Variants in SYBU observed in about 807,000 individuals in gnomAD.
SYBU encodes GOLSYN A protein.
SYBU carries 21 observed loss-of-function variants against 35.9 expected under a neutral mutation model. That is an observed-to-expected ratio of 0.58 (90% CI 0.41 to 0.84). The LOEUF (loss-of-function observed/expected upper bound fraction) is 0.84, where lower values mean the gene tolerates loss of function less well. SYBU is among the 40% of genes least tolerant of loss of function. SYBU has a pLI of 0.00. For synonymous variants in SYBU, 319 were observed against 324.3 expected (o/e 0.98, Z 0.18); for missense variants, 768 against 848.2 (o/e 0.91, Z 1.17).
At chr8:109,625,102 G>A (rs772382685) in intron 2 of SYBU, among the ~76,000 whole-genome samples, 3 of 151,858 alleles carry the variant, frequency 2.0e-5, no homozygotes, top group Non-Finnish European at 4.4e-5. Context: ...AAATGAAAAG[G>A]GCACTGTGAT....
intron 2 of SYBU, among the ~76,000 whole-genome samples, chr8:109,639,701 C>A (rs556321771): frequency 6.6e-6 from 1 of 152,192 alleles, no homozygotes; most frequent in Non-Finnish European, 1.5e-5. Context: ...TGTTCTCTGA[C>A]TTAACTGCCG....
At chr8:109,675,920 A>C (rs2130774312) in intron 1 of SYBU, among the ~76,000 whole-genome samples, 1 of 152,362 alleles carries the variant, frequency 6.6e-6, no homozygotes, top group Non-Finnish European at 1.5e-5. Context: ...ATCCAGCAGC[A>C]CATTGAAAAG....
At chr8:109,624,246 CT>C (rs1812741968) in intron 2 of SYBU, among the ~76,000 whole-genome samples, 1 of 152,248 alleles carries the variant, frequency 6.6e-6, no homozygotes, top group African/African-American at 2.4e-5. Context: ...AAATGCCCAA[CT>C]CCCTGGAAAT....
At chr8:109,629,597 A>G (rs935023014) in intron 2 of SYBU, among the ~76,000 whole-genome samples, 1 of 152,210 alleles carries the variant, frequency 6.6e-6, no homozygotes, top group Non-Finnish European at 1.5e-5. Flanking sequence ...TAATGCCGCA[A>G]TAAACATACG....
chr8:109,593,613 C>T (rs999554375), intron 3 of SYBU, among the ~76,000 whole-genome samples: 8 of 152,202 alleles, frequency 5.3e-5, no homozygotes, highest in African/African-American at 1.9e-4. Flanking sequence ...AAGGGTCCAA[C>T]CAGTGTGCTG....
chr8:109,640,928 A>G (rs1814803358), intron 2 of SYBU, among the ~76,000 whole-genome samples: 1 of 152,162 alleles, frequency 6.6e-6, no homozygotes, highest in Non-Finnish European at 1.5e-5. Context: ...CTGCATTTAT[A>G]AAATCCTTGA....
At chr8:109,651,978 ATCAC>A (rs1230863340) in intron 1 of SYBU, among the ~76,000 whole-genome samples, 2 of 152,230 alleles carry the variant, frequency 1.3e-5, no homozygotes, top group African/African-American at 4.8e-5. Flanking sequence ...ACAGACACCT[ATCAC>A]TCATTCATTC....
intron 1 of SYBU, among the ~76,000 whole-genome samples, chr8:109,663,521 G>A (rs1409705853): frequency 6.6e-6 from 1 of 152,068 alleles, no homozygotes; most frequent in South Asian, 2.1e-4. Context: ...TTGGAAACTG[G>A]TCGGTAAGTG....
At chr8:109,678,021 C>T (rs2130778247) in intron 1 of SYBU, among the ~76,000 whole-genome samples, 1 of 149,640 alleles carries the variant, frequency 6.7e-6, no homozygotes, top group East Asian at 2.0e-4. Flanking sequence ...GTAATCCCAG[C>T]TATTTGGGAG....
At chr8:109,619,683 C>G (rs1812216836) in intron 2 of SYBU, among the ~76,000 whole-genome samples, 1 of 152,236 alleles carries the variant, frequency 6.6e-6, no homozygotes, top group Non-Finnish European at 1.5e-5. Flanking sequence ...CAGAACAATT[C>G]AGGATCTTTA....
At chr8:109,580,033 T>G in intron 4 of SYBU, 31 bp from the exon 5 acceptor site, 3 of 1,603,958 alleles carry the variant, frequency 1.9e-6, no homozygotes, top group Non-Finnish European at 1.7e-6. Context: ...ATGTTAAAAT[T>G]CTTGGGGCTA....
intron 4 of SYBU, among the ~76,000 whole-genome samples, chr8:109,582,461 C>T (rs1823146272): frequency 6.6e-6 from 1 of 152,174 alleles, no homozygotes; most frequent in Non-Finnish European, 1.5e-5. Flanking sequence ...ATCCCAGATC[C>T]TTCAGTCTGG....
intron 2 of SYBU, among the ~76,000 whole-genome samples, chr8:109,641,795 C>G (rs757678413): frequency 1.3e-5 from 2 of 152,150 alleles, no homozygotes; most frequent in Non-Finnish European, 2.9e-5. Context: ...ATTAAAAGAT[C>G]AGGAATGGAC....
chr8:109,642,639 G>A (rs1815038258), intron 2 of SYBU, 89 bp downstream of exon 2: 2 of 814,168 alleles, frequency 2.5e-6, no homozygotes, highest in Non-Finnish European at 3.6e-6. Flanking sequence ...TGTAGTTCTA[G>A]GCTATAAGGG....
chr8:109,657,413 C>A (rs1250717085), intron 1 of SYBU, among the ~76,000 whole-genome samples: 1 of 152,130 alleles, frequency 6.6e-6, no homozygotes, highest in Non-Finnish European at 1.5e-5. Context: ...TTCTGGTAGT[C>A]TTTTGCCCAA....
intron 1 of SYBU, among the ~76,000 whole-genome samples, chr8:109,690,093 T>A (rs1399907152): frequency 1.3e-5 from 2 of 152,186 alleles, no homozygotes; most frequent in Non-Finnish European, 2.9e-5. Context: ...TATGTACAGA[T>A]CATTATGAAT....
At chr8:109,621,401 C>T (rs528107729) in intron 2 of SYBU, among the ~76,000 whole-genome samples, 34 of 152,324 alleles carry the variant, frequency 2.2e-4, no homozygotes, top group Non-Finnish European at 4.7e-4. Context: ...TCAGTATTTA[C>T]AGCCAGGATC....
chr8:109,625,293 T>TGA (rs1355232821), intron 2 of SYBU, among the ~76,000 whole-genome samples: 1 of 152,210 alleles, frequency 6.6e-6, no homozygotes, highest in Non-Finnish European at 1.5e-5. Flanking sequence ...AATAAGCACA[T>TGA]GAGAGTTCAC....
intron 6 of SYBU, among the ~76,000 whole-genome samples, chr8:109,577,435 G>GGAATCACAATGCACACA (rs1822461366): frequency 6.6e-6 from 1 of 151,826 alleles, no homozygotes; most frequent in Admixed American, 6.6e-5. Context: ...ATAGCATGCA[G>GGAATCACAATGCACACA]GAATCACAAT....
Sources: gnomAD v4.1 joint callset for allele counts (sites outside exome capture counted in the v4.1 genomes callset) on GRCh38, gnomAD v4.1.1 for gene constraint, MANE v1.5 for transcripts, NCBI Gene and HGNC (gene_info 2026-07-23, HGNC 2026-07-21) for gene names.